Variants in NFIA observed in about 807,000 individuals in gnomAD.
NFIA encodes the protein nuclear factor 1 A-type.
NFIA carries 8 observed loss-of-function variants against 62.8 expected under a neutral mutation model. The observed-to-expected ratio is 0.13, with a 90% confidence interval of 0.07 to 0.23. NFIA has a LOEUF of 0.23. Ranked by LOEUF, NFIA falls within the 10% of genes least tolerant of loss-of-function variation. NFIA has a pLI of 1.00. For missense variants in NFIA, 410 were observed against 642.1 expected (o/e 0.64, Z 3.91); for synonymous variants, 235 against 238.1 (o/e 0.99, Z 0.12).
chr1:61,371,729 A>G (rs568574757), intron 6 of NFIA, among the ~76,000 whole-genome samples: 2 of 152,214 alleles, frequency 1.3e-5, no homozygotes, highest in African/African-American at 4.8e-5. Flanking sequence ...GTTGGTGGCA[A>G]TTGTCATTTG....
chr1:61,207,085 A>T (rs1652947022), intron 2 of NFIA, among the ~76,000 whole-genome samples: 3 of 152,086 alleles, frequency 2.0e-5, no homozygotes, highest in Non-Finnish European at 4.4e-5. Context: ...GGAGCTGGGG[A>T]CCCTACATCT....
intron 2 of NFIA, among the ~76,000 whole-genome samples, chr1:61,187,045 C>A (rs1426760085): frequency 6.6e-6 from 1 of 152,184 alleles, no homozygotes; most frequent in African/African-American, 2.4e-5. Flanking sequence ...CAGTTTCACC[C>A]TGTTAGCCCT....
chr1:61,283,250 T>G (rs996410708), intron 3 of NFIA, among the ~76,000 whole-genome samples: 1 of 152,084 alleles, frequency 6.6e-6, no homozygotes, highest in Non-Finnish European at 1.5e-5. Flanking sequence ...GAAATAAGTT[T>G]TAGTGCAACT....
chr1:61,103,828 A>G (rs1646552042), intron 2 of NFIA, among the ~76,000 whole-genome samples: 1 of 152,198 alleles, frequency 6.6e-6, no homozygotes, highest in Admixed American at 6.5e-5. Context: ...ACCCAAATCC[A>G]TAGTTTCATA....
chr1:61,274,802 C>T (rs1657708873), intron 2 of NFIA, among the ~76,000 whole-genome samples: 1 of 152,158 alleles, frequency 6.6e-6, no homozygotes, highest in South Asian at 2.1e-4. Flanking sequence ...TAATTTTGGT[C>T]ATCTGGTTGG....
intron 2 of NFIA, among the ~76,000 whole-genome samples, chr1:61,241,070 T>C (rs375055918): frequency 6.6e-6 from 1 of 152,054 alleles, no homozygotes; most frequent in East Asian, 1.9e-4. Flanking sequence ...TAAGAGAGTT[T>C]CCATGAGCTC....
chr1:61,340,046 A>G (rs1338442812), intron 4 of NFIA, among the ~76,000 whole-genome samples: 1 of 152,128 alleles, frequency 6.6e-6, no homozygotes, highest in Non-Finnish European at 1.5e-5. Context: ...TTTCTCTTAC[A>G]TGCATACTCC....
At chr1:61,365,963 G>A (rs1054823032) in intron 6 of NFIA, among the ~76,000 whole-genome samples, 4 of 152,188 alleles carry the variant, frequency 2.6e-5, no homozygotes, top group African/African-American at 9.7e-5. Context: ...TGTTAAATCT[G>A]GAGAATAAGG....
chr1:61,173,674 G>A (rs1247007130), intron 2 of NFIA, among the ~76,000 whole-genome samples: 1 of 152,208 alleles, frequency 6.6e-6, no homozygotes, highest in Non-Finnish European at 1.5e-5. Context: ...ATAGATGTGA[G>A]CCACTGTGCC....
At chr1:61,287,078 A>G (rs185263260) in intron 3 of NFIA, among the ~76,000 whole-genome samples, 1 of 152,332 alleles carries the variant, frequency 6.6e-6, no homozygotes, top group East Asian at 1.9e-4. Context: ...TTGAAAAGCC[A>G]TGGTATACTC....
chr1:61,202,007 C>T (rs1198943330), intron 2 of NFIA, among the ~76,000 whole-genome samples: 1 of 151,908 alleles, frequency 6.6e-6, no homozygotes, highest in Non-Finnish European at 1.5e-5. Context: ...AATTGAACTG[C>T]AGGGCTGGCC....
At chr1:61,258,688 A>G (rs193144647) in intron 2 of NFIA, among the ~76,000 whole-genome samples, 1 of 152,310 alleles carries the variant, frequency 6.6e-6, no homozygotes, top group African/African-American at 2.4e-5. Context: ...GAACTTGACT[A>G]TAAACTAATG....
At chr1:61,110,145 C>T (rs545950687) in intron 2 of NFIA, among the ~76,000 whole-genome samples, 65 of 151,978 alleles carry the variant, frequency 4.3e-4, no homozygotes, top group African/African-American at 1.5e-3. Context: ...AATTGCCATC[C>T]ATTAGACCAG....
intron 6 of NFIA, among the ~76,000 whole-genome samples, chr1:61,363,879 C>T (rs1234609524): frequency 1.3e-5 from 2 of 151,988 alleles, no homozygotes; most frequent in Admixed American, 6.6e-5. Flanking sequence ...TCTAAAATAG[C>T]TGCTGACCCT....
chr1:61,094,936 A>G (rs1646384926), intron 2 of NFIA, among the ~76,000 whole-genome samples: 1 of 152,224 alleles, frequency 6.6e-6, no homozygotes, highest in Admixed American at 6.5e-5. Flanking sequence ...CTGAAGCAGA[A>G]GATATTTTTG....
At chr1:61,334,071 G>A (rs770078247) in intron 4 of NFIA, among the ~76,000 whole-genome samples, 8 of 152,262 alleles carry the variant, frequency 5.3e-5, no homozygotes, top group South Asian at 2.1e-4. Context: ...GCCAGTATCC[G>A]TACTCTTAGA....
At position 61,457,257 on chromosome 1, in the gene NFIA, C is replaced by T. The variant is rs756657185; in HGVS notation, c.*1937C>T. 6.6e-6 allele frequency: 1 copy of T among 152,078 alleles called. No individual in the cohort carries two copies. The highest frequency in any genetic ancestry group is 1.5e-5 in the Non-Finnish European group (1 of 68,012). 9.4% of individuals were successfully genotyped at this position (152,078 alleles called of 1,614,324 possible). A position where few individuals can be genotyped will look rare whatever the true frequency, so the allele number is the denominator to read the frequency against. On this transcript the variant is annotated 3_prime_UTR_variant, in exon 11 of 11. Coordinates refer to ENST00000403491, the MANE Select transcript of NFIA (RefSeq NM_001134673.4). The surrounding 1 kb of genome is among the most constrained non-coding windows in gnomAD (Gnocchi z 4.2). ...TTGCACGAAAACAAAAATTCCATAT[C>T]AATGTGCCTTGCCCTGGATAGCGAT...
chr1:61,095,450 A>G (rs1446609485), intron 2 of NFIA, among the ~76,000 whole-genome samples: 3 of 152,158 alleles, frequency 2.0e-5, no homozygotes, highest in Non-Finnish European at 4.4e-5. Context: ...ATGCTCTTAA[A>G]CAATTCAAAT....
chr1:61,277,293 C>T (rs1570497398), intron 2 of NFIA, among the ~76,000 whole-genome samples: 3 of 152,296 alleles, frequency 2.0e-5, no homozygotes, highest in East Asian at 1.9e-4. Context: ...CCAATGCCAC[C>T]GTAGGTGTCC....
Sources: allele counts gnomAD v4.1 joint callset (sites outside exome capture counted in the v4.1 genomes callset), GRCh38; gene constraint gnomAD v4.1.1; non-coding constraint Gnocchi (gnomAD v3.1); transcripts MANE v1.5; gene names NCBI Gene and HGNC (gene_info 2026-07-23, HGNC 2026-07-21).